EIF3H: variants seen among roughly 807,000 people sequenced by gnomAD.
EIF3H encodes eukaryotic translation initiation factor 3 subunit H, also known as eIF-3-gamma.
In EIF3H, 26 loss-of-function variants were observed where a neutral mutation model predicts 44.2. The ratio of observed to expected loss-of-function variants is 0.59; its 90% CI spans 0.43 to 0.82. The LOEUF (loss-of-function observed/expected upper bound fraction) is 0.82, where lower values mean the gene tolerates loss of function less well. Among genes scored for constraint, EIF3H ranks in the 40% least tolerant of loss-of-function variants. The pLI, the probability that EIF3H is intolerant of heterozygous loss-of-function variation, is 0.00. For synonymous variants in EIF3H, 166 were observed against 151.9 expected, an observed-to-expected ratio of 1.09 and a Z score of -0.68; for missense variants, 359 against 432.8, an observed-to-expected ratio of 0.83 and a Z score of 1.51.
intron 2 of EIF3H, among the ~76,000 whole-genome samples, chr8:116,672,198 T>C (rs1813769294): frequency 6.6e-6 from 1 of 152,258 alleles, no homozygotes; most frequent in Non-Finnish European, 1.5e-5. Flanking sequence ...TTGCTAAGTT[T>C]TGGTATTAGA....
intron 1 of EIF3H, among the ~76,000 whole-genome samples, chr8:116,752,674 A>G (rs570130567): frequency 9.8e-5 from 4 of 40,700 alleles, no homozygotes; most frequent in African/African-American, 3.1e-4. Context: ...TGAAGAAAGA[A>G]AGAAAGAAAG....
intron 2 of EIF3H, among the ~76,000 whole-genome samples, chr8:116,702,472 T>A (rs950329698): frequency 6.6e-6 from 1 of 152,212 alleles, no homozygotes; most frequent in Admixed American, 6.5e-5. Flanking sequence ...TGTCCTATTA[T>A]TTTAATTTTC....
chr8:116,735,385 G>A (rs375192305), intron 1 of EIF3H, among the ~76,000 whole-genome samples: 2 of 152,142 alleles, frequency 1.3e-5, no homozygotes, highest in African/African-American at 2.4e-5. Flanking sequence ...AAACATAAAC[G>A]CACCAAATGA....
intron 2 of EIF3H, among the ~76,000 whole-genome samples, chr8:116,722,991 TA>T (rs1814777341): frequency 6.6e-6 from 1 of 152,206 alleles, no homozygotes. Flanking sequence ...TTCAAGCTCG[TA>T]AAAGAAGTTA....
intron 1 of EIF3H, among the ~76,000 whole-genome samples, chr8:116,750,554 C>T (rs1405585538): frequency 6.6e-6 from 1 of 151,972 alleles, no homozygotes; most frequent in Non-Finnish European, 1.5e-5. Flanking sequence ...GGACTACAGG[C>T]ACCCGCCACC....
At chr8:116,663,075 C>T (rs1487797657) in intron 2 of EIF3H, among the ~76,000 whole-genome samples, 1 of 152,126 alleles carries the variant, frequency 6.6e-6, no homozygotes, top group African/African-American at 2.4e-5. Context: ...CATGTCATAG[C>T]CCACAGGCTC....
At chr8:116,759,837 C>T (rs193081815), upstream of EIF3H, among the ~76,000 whole-genome samples, 42 of 152,242 alleles carry the variant, frequency 2.8e-4, no homozygotes, top group African/African-American at 9.9e-4. Context: ...CTCAGGTGAA[C>T]TTCCCACCTC....
At chr8:116,669,910 T>C (rs1387938358) in intron 2 of EIF3H, among the ~76,000 whole-genome samples, 1 of 152,124 alleles carries the variant, frequency 6.6e-6, no homozygotes, top group Non-Finnish European at 1.5e-5. Context: ...CCCTACACAC[T>C]CTGCTTCTAC....
chr8:116,700,773 TA>T (rs1377753445), intron 2 of EIF3H, among the ~76,000 whole-genome samples: 4 of 152,190 alleles, frequency 2.6e-5, no homozygotes, highest in African/African-American at 9.7e-5. Context: ...AGTCCATTTG[TA>T]ATGCAAAAGT....
chr8:116,645,190 A>T, intron 7 of EIF3H, 87 bp from the exon 8 acceptor site: 1 of 981,500 alleles, frequency 1.0e-6, no homozygotes, highest in South Asian at 1.4e-5. Flanking sequence ...AAATCAGCAT[A>T]AAACAGAATC....
chr8:116,724,265 C>A (rs1057324393), intron 2 of EIF3H, among the ~76,000 whole-genome samples: 2 of 152,096 alleles, frequency 1.3e-5, no homozygotes, highest in African/African-American at 4.8e-5. Context: ...TGCCAAAGAA[C>A]GAAGCTGGAC....
intron 2 of EIF3H, among the ~76,000 whole-genome samples, chr8:116,696,636 T>A (rs1814272770): frequency 6.6e-6 from 1 of 152,184 alleles, no homozygotes; most frequent in African/African-American, 2.4e-5. Context: ...TTGAAATAAT[T>A]TATTTCTGCC....
intron 2 of EIF3H, among the ~76,000 whole-genome samples, chr8:116,677,188 C>T (rs1206066670): frequency 2.6e-5 from 4 of 152,070 alleles, no homozygotes; most frequent in African/African-American, 7.2e-5. Context: ...ATTTTACTTA[C>T]GTCTTTTGCA....
Position 116,755,678 on chromosome 8 carries a change from C to T in EIF3H, c.120G>A (p.Gln40=), listed in dbSNP as rs1255238564. Residue 40 remains glutamine, a synonymous_variant, in exon 1 of 8, where the codon CAG becomes CAA. Transcript: ENST00000521861. ...GAACAGCACTCACAAGGCCATCTAT[C>T]TGCACTTGCTTCACGGCTGAATCTC... ...GSGDSAVKQV[Q]IDGLVVLKII... The T allele has an allele frequency of 1.2e-6, 2 of 1,614,160 alleles. No individual in the cohort carries two copies. The highest frequency in any genetic ancestry group is 1.6e-4 in the Middle Eastern group (1 of 6,062).
chr8:116,735,862 C>A (rs144984624), intron 1 of EIF3H, among the ~76,000 whole-genome samples: 578 of 151,352 alleles, frequency 3.8e-3, no homozygotes, highest in Non-Finnish European at 6.2e-3. Flanking sequence ...CCCTTGGAGA[C>A]CCCGAATAAA....
chr8:116,655,841 G>A lies in EIF3H; in HGVS notation c.707+15C>T. Reference sequence around the variant, plus strand: ...GTTCTAAAACATGGGCTTTTCATTAGGCAGGGCCACTTACCTGCTGGCAAG... The same window carrying A: ...GTTCTAAAACATGGGCTTTTCATTAAGCAGGGCCACTTACCTGCTGGCAAG... On this transcript the variant is annotated intron_variant, in intron 5 of 7. Transcript: ENST00000521861. 2 of 1,613,046 alleles carry A rather than the reference G, an allele frequency of 1.2e-6. No individual in the cohort carries two copies. The highest frequency in any genetic ancestry group is 1.7e-6 in the Non-Finnish European group (2 of 1,179,448).
intron 2 of EIF3H, among the ~76,000 whole-genome samples, chr8:116,725,259 T>C (rs1814815543): frequency 1.3e-5 from 2 of 152,064 alleles, no homozygotes; most frequent in South Asian, 4.1e-4. Context: ...AGTAGAATGG[T>C]GGTTGCGGGG....
In EIF3H at chr8:116,644,635, G is replaced by C. The variant is rs1286029080; in HGVS notation, c.*371C>G. 5.5e-6 allele frequency: 1 copy of C among 180,724 alleles called. No homozygotes were observed. Among genetic ancestry groups the C allele is most frequent in the Non-Finnish European group, 1.1e-5 (1 of 87,164 alleles). The allele number at this position is 180,724 out of a possible 1,614,324, so 11.2% of individuals were successfully genotyped here. ...TTCACAGTAGATGCCAGGGCCTCGG[G>C]GTCAGGAGCTGGGATAAGTAGTTGG... On this transcript the variant is annotated 3_prime_UTR_variant, in exon 8 of 8. Transcript: ENST00000521861.
chr8:116,655,357 A>T lies in EIF3H; in HGVS notation c.707+499T>A, dbSNP rs1395441415. Reference sequence around the variant, plus strand: ...AATAGGTGAAGCCAATGTCAGGTTCAGAAAATTCAAATTTTAGTTGAAAAC... The same window carrying T: ...AATAGGTGAAGCCAATGTCAGGTTCTGAAAATTCAAATTTTAGTTGAAAAC... On this transcript the variant is annotated intron_variant, in intron 5 of 7. Coordinates refer to ENST00000521861, the MANE Select transcript of EIF3H (RefSeq NM_003756.3). 1.3e-5 allele frequency among the ~76,000 whole-genome samples: 2 copies of T among 151,872 alleles called. 1 individual carries two copies. Among genetic ancestry groups the T allele is most frequent in the South Asian group, 4.2e-4 (2 of 4,800 alleles).
Sources: gnomAD v4.1 joint callset for allele counts (sites outside exome capture counted in the v4.1 genomes callset) on GRCh38, gnomAD v4.1.1 for gene constraint, MANE v1.5 for transcripts, NCBI Gene and HGNC (gene_info 2026-07-23, HGNC 2026-07-21) for gene names.